The following CYP2C18 variants were observed in gnomAD, a reference collection of about 807,000 sequenced individuals.
The protein encoded by CYP2C18 is cytochrome P450 2C18.
CYP2C18 carries 38 observed loss-of-function variants against 41.3 expected under a neutral mutation model. That is an observed-to-expected ratio of 0.92 (90% CI 0.71 to 1.21). CYP2C18 has a LOEUF of 1.21. Ranked by LOEUF, CYP2C18 falls within the 50% of genes most tolerant of loss-of-function variation. CYP2C18 has a pLI of 0.00. For missense variants in CYP2C18, 635 were observed against 591.4 expected (o/e 1.07, Z -0.77); for synonymous variants, 236 against 210.0 (o/e 1.12, Z -1.07).
intron 5 of CYP2C18, among the ~76,000 whole-genome samples, chr10:94,710,586 T>G (rs2134193705): frequency 6.6e-6 from 1 of 152,356 alleles, no homozygotes; most frequent in Middle Eastern, 3.4e-3. Flanking sequence ...AGCTTAATTT[T>G]GATAGGCTAT....
intron 5 of CYP2C18, among the ~76,000 whole-genome samples, chr10:94,719,609 C>T (rs1242430951): frequency 6.6e-6 from 1 of 151,806 alleles, no homozygotes; most frequent in Non-Finnish European, 1.5e-5. Context: ...GAGTTTCACT[C>T]TGTCACCCAG....
At chr10:94,693,634 A>T (rs1847057455) in intron 3 of CYP2C18, among the ~76,000 whole-genome samples, 1 of 152,200 alleles carries the variant, frequency 6.6e-6, no homozygotes, top group Non-Finnish European at 1.5e-5. Context: ...ATCCAAAATT[A>T]TCCCCTGCCT....
At chr10:94,691,110 C>T (rs1846989861) in intron 3 of CYP2C18, among the ~76,000 whole-genome samples, 1 of 152,116 alleles carries the variant, frequency 6.6e-6, no homozygotes, top group African/African-American at 2.4e-5. Context: ...TGAAAACTGG[C>T]ACAAGACAAG....
chr10:94,699,978 G>C (rs746958088), intron 4 of CYP2C18, among the ~76,000 whole-genome samples: 1 of 152,050 alleles, frequency 6.6e-6, no homozygotes, highest in African/African-American at 2.4e-5. Context: ...AAATAAAAGA[G>C]GACACAAACA....
At chr10:94,698,087 AC>A (rs1847156756) in intron 4 of CYP2C18, among the ~76,000 whole-genome samples, 1 of 152,210 alleles carries the variant, frequency 6.6e-6, no homozygotes, top group Non-Finnish European at 1.5e-5. Flanking sequence ...CAGAAGGTTA[AC>A]AAGGATATCC....
chr10:94,709,241 C>T (rs745430807), intron 5 of CYP2C18, among the ~76,000 whole-genome samples: 1 of 152,150 alleles, frequency 6.6e-6, no homozygotes, highest in Non-Finnish European at 1.5e-5. Context: ...ATTCTCACTA[C>T]AATGTTTTGA....
chr10:94,727,832 T>A (rs1847769419), intron 7 of CYP2C18, among the ~76,000 whole-genome samples: 1 of 152,130 alleles, frequency 6.6e-6, no homozygotes, highest in Admixed American at 6.6e-5. Context: ...TATACATTTA[T>A]CTGCATTTAT....
At chr10:94,684,744 T>C (rs1846853013) in intron 1 of CYP2C18, among the ~76,000 whole-genome samples, 1 of 152,124 alleles carries the variant, frequency 6.6e-6, no homozygotes, top group Non-Finnish European at 1.5e-5. Context: ...CATCTGATAG[T>C]TCTATTTTTG....
chr10:94,728,739 C>CTTT, intron 7 of CYP2C18: 2 of 257,322 alleles, frequency 7.8e-6, no homozygotes, highest in African/African-American at 2.4e-5. Context: ...ATTCTCCTCA[C>CTTT]TTTTTTTTTT....
intron 4 of CYP2C18, among the ~76,000 whole-genome samples, chr10:94,699,500 A>G (rs1438220797): frequency 6.6e-6 from 1 of 152,246 alleles, no homozygotes; most frequent in Non-Finnish European, 1.5e-5. Flanking sequence ...AGAGCTATCT[A>G]TGACAAACCC....
At chr10:94,703,442 G>A (rs1275077422) in intron 4 of CYP2C18, among the ~76,000 whole-genome samples, 1 of 152,216 alleles carries the variant, frequency 6.6e-6, no homozygotes. Context: ...CAGAGAGGAG[G>A]AGTCTAGAGA....
At position 94,683,789 on chromosome 10, in the gene CYP2C18, G is replaced by T. The variant is rs761346202; in HGVS notation, c.-31G>T. 4 of 1,537,850 alleles carry T rather than the reference G, an allele frequency of 2.6e-6. No homozygotes were observed. The highest frequency in any genetic ancestry group is 1.3e-5 in the South Asian group (1 of 77,128). ...TATAAAAGCCTTGAAGTGAAAGCCC[G>T]CAGTTGTCTTACTAAGAAGAGAAGC... On this transcript the variant is annotated 5_prime_UTR_variant, in exon 1 of 9. Transcript: ENST00000285979.
intron 5 of CYP2C18, 51 bp from the exon 6 acceptor site, chr10:94,720,345 T>C: frequency 6.6e-7 from 1 of 1,505,204 alleles, no homozygotes; most frequent in South Asian, 1.3e-5. Flanking sequence ...TTTTTGTAAT[T>C]TAATATGCTG....
At chr10:94,690,475 C>A (rs1410372979) in intron 3 of CYP2C18, among the ~76,000 whole-genome samples, 1 of 152,174 alleles carries the variant, frequency 6.6e-6, no homozygotes, top group Non-Finnish European at 1.5e-5. Flanking sequence ...TCTCCCAAGA[C>A]TAAACCAGGA....
intron 4 of CYP2C18, among the ~76,000 whole-genome samples, chr10:94,705,080 T>A (rs1391849839): frequency 6.6e-6 from 1 of 152,160 alleles, no homozygotes; most frequent in Non-Finnish European, 1.5e-5. Flanking sequence ...CGAGCAGGGC[T>A]GCCCTTGACA....
intron 1 of CYP2C18, among the ~76,000 whole-genome samples, chr10:94,686,984 C>T (rs116337528): frequency 2.6e-3 from 393 of 152,188 alleles, no homozygotes; most frequent in African/African-American, 9.1e-3. Flanking sequence ...CAAATCATGC[C>T]TGATGTCAAA....
chr10:94,713,298 A>G (rs1231495137), intron 5 of CYP2C18, among the ~76,000 whole-genome samples: 1 of 151,986 alleles, frequency 6.6e-6, no homozygotes, highest in Non-Finnish European at 1.5e-5. Context: ...CATCATTTAC[A>G]TTAGGTATAT....
Position 94,734,767 on chromosome 10 carries a change from T to C in CYP2C18, c.1292-496T>C, listed in dbSNP as rs1258717126. Among the ~76,000 whole-genome samples the C allele has an allele frequency of 2.0e-5, 3 of 152,214 alleles. No individual in the cohort carries two copies. In the East Asian group the frequency reaches 5.8e-4, roughly 29 times the overall value. On this transcript the variant is annotated intron_variant, in intron 8 of 8. Coordinates refer to ENST00000285979, the MANE Select transcript of CYP2C18 (RefSeq NM_000772.3). ...GAGTCAGGTCAAGCCATTTGGCCTT[T>C]ATCCCATAGGACAGATGGGTGTTGT...
At chr10:94,701,647 T>A (rs1847248007) in intron 4 of CYP2C18, among the ~76,000 whole-genome samples, 1 of 152,124 alleles carries the variant, frequency 6.6e-6, no homozygotes, top group Non-Finnish European at 1.5e-5. Flanking sequence ...GAAATTCCTC[T>A]CCACCTCTAC....
Sources: allele counts gnomAD v4.1 joint callset (sites outside exome capture counted in the v4.1 genomes callset), GRCh38; gene constraint gnomAD v4.1.1; transcripts MANE v1.5; gene names NCBI Gene and HGNC (gene_info 2026-07-23, HGNC 2026-07-21).